BCAS1: variants seen among roughly 807,000 people sequenced by gnomAD.
BCAS1 encodes breast carcinoma-amplified sequence 1.
In BCAS1, 46 loss-of-function variants were observed where a neutral mutation model predicts 65.4. The ratio of observed to expected loss-of-function variants is 0.70; its 90% confidence interval spans 0.55 to 0.90. BCAS1 has a LOEUF of 0.90. BCAS1 is among the 40% of genes least tolerant of loss of function. The probability of loss-of-function intolerance (pLI) is 0.00; values close to 1 mark genes in which losing one functional copy is unlikely to be tolerated. For synonymous variants in BCAS1, 298 were observed against 293.5 expected (o/e 1.02, Z -0.16); for missense variants, 793 against 771.2 (o/e 1.03, Z -0.33).
At chr20:53,996,745 C>T (rs2090926220) in intron 4 of BCAS1, among the ~76,000 whole-genome samples, 1 of 152,112 alleles carries the variant, frequency 6.6e-6, no homozygotes, top group Non-Finnish European at 1.5e-5. Flanking sequence ...ACAATACATT[C>T]TTTACTCAAC....
chr20:53,975,292 A>G (rs2302040), intron 9 of BCAS1, 97 bp downstream of exon 9: 43,376 of 1,033,726 alleles, frequency 0.042, 3,920 homozygotes, highest in East Asian at 0.37. Context: ...CACTGGCAGC[A>G]TGCAAGAACA....
rs368207025 is a variant in BCAS1, at chr20:53,944,936, C to T, written c.1876G>A (p.Gly626Ser). 6 of 1,614,014 alleles carry T rather than the reference C, an allele frequency of 3.7e-6. No homozygotes were observed. The highest frequency in any genetic ancestry group is 1.7e-5 in the Admixed American group (1 of 60,014). ...QTDPVSIGPV[G>S]KSK ...TGCTGATTTGTTTACTTGGATTTGC[C>T]AACTGGTCCGATGGATACTGGGTCT... The change falls in exon 13 of 13, where the codon GGC becomes AGC. Residue 626 changes from glycine to serine, a missense_variant. Transcript: ENST00000688948.
chr20:54,059,136 T>G lies in BCAS1; in HGVS notation c.-5-413A>C, dbSNP rs79034205. On this transcript the variant is annotated intron_variant, in intron 1 of 12. Coordinates refer to ENST00000688948, the MANE Select transcript of BCAS1 (RefSeq NM_001366298.2). ...CCATGATCCAATTACCTCCACCTGG[T>G]CCCATCCTTGACGTGGGGATTATGA... Among the ~76,000 whole-genome samples the G allele has an allele frequency of 8.9e-3, 1,359 of 152,294 alleles. 8 individuals carry two copies. Among genetic ancestry groups the G allele is most frequent in the Admixed American group, 0.013 (204 of 15,296 alleles).
intron 1 of BCAS1, among the ~76,000 whole-genome samples, chr20:54,064,297 G>A (rs2146363630): frequency 1.3e-5 from 2 of 152,298 alleles, no homozygotes; most frequent in Admixed American, 6.5e-5. Context: ...GATATTTCTG[G>A]GGTGAGTGAG....
intron 12 of BCAS1, among the ~76,000 whole-genome samples, chr20:53,948,964 C>G (rs542907278): frequency 3.3e-5 from 5 of 152,166 alleles, no homozygotes; most frequent in African/African-American, 1.2e-4. Context: ...TCAGCCCACA[C>G]CAGTGTGGAC....
Position 54,058,121 on chromosome 20 carries a change from C to G in BCAS1, c.106G>C (p.Val36Leu), listed in dbSNP as rs200811465. 276 of 1,613,900 alleles carry G rather than the reference C, an allele frequency of 1.7e-4. No homozygotes were observed. The highest frequency in any genetic ancestry group is 1.4e-3 in the Admixed American group (84 of 59,988). ...TGCTGAACTGTGTGGGTCGACACCACCACTGGAACCCCGTTCAGAGCAGAC... is the reference window on the plus strand; with the variant it reads ...TGCTGAACTGTGTGGGTCGACACCAGCACTGGAACCCCGTTCAGAGCAGAC... The part of the protein sequence containing the change: ...NASALNGVPV[V>L]VSTHTVQHLE... The change falls in exon 3 of 13, where the codon GTG becomes CTG. Residue 36 changes from valine (V) to leucine (L), a missense_variant. Val to Leu is a conservative substitution (Grantham distance 32). Transcript: ENST00000688948.
At chr20:54,043,582 G>A (rs911915588) in intron 3 of BCAS1, among the ~76,000 whole-genome samples, 7 of 152,174 alleles carry the variant, frequency 4.6e-5, no homozygotes, top group African/African-American at 1.4e-4. Context: ...AAACAAGGAC[G>A]CTTTCCAGTT....
At position 53,953,434 on chromosome 20, in the gene BCAS1, G is replaced by A. The variant is rs1165650055; in HGVS notation, c.1813C>T (p.Leu605=). Reference sequence around the variant, plus strand: ...AGAGGCAAAAAAAATCCACCTACCAGGCCTTTAAAGAAGCCCCCAAGGGAC... The same window carrying A: ...AGAGGCAAAAAAAATCCACCTACCAAGCCTTTAAAGAAGCCCCCAAGGGAC... The part of the protein sequence containing the change: ...QQSLGGFFKG[L]GPKRMLDAQV... The change falls in exon 12 of 13, where the codon CTG becomes TTG. Residue 605 remains leucine (L), a splice_region_variant and synonymous_variant. Coordinates refer to ENST00000688948, the MANE Select transcript of BCAS1 (RefSeq NM_001366298.2). The A allele has an allele frequency of 2.3e-5, 37 of 1,613,752 alleles. 1 individual carries two copies. The highest frequency in any genetic ancestry group is 3.0e-5 in the Non-Finnish European group (35 of 1,179,996).
intron 9 of BCAS1, among the ~76,000 whole-genome samples, chr20:53,970,706 G>T (rs531694394): frequency 9.7e-4 from 148 of 152,064 alleles, no homozygotes; most frequent in Non-Finnish European, 1.8e-3. Flanking sequence ...TTCCCTTTTT[G>T]CCTCAAATTT....
intron 1 of BCAS1, among the ~76,000 whole-genome samples, chr20:54,060,329 T>C (rs1469155345): frequency 6.6e-6 from 1 of 152,248 alleles, no homozygotes; most frequent in Non-Finnish European, 1.5e-5. Context: ...TAATTTTTTT[T>C]TGAGACGGAG....
intron 6 of BCAS1, among the ~76,000 whole-genome samples, chr20:53,993,691 C>T (rs1001926594): frequency 7.9e-5 from 12 of 152,162 alleles, no homozygotes; most frequent in Non-Finnish European, 1.6e-4. Flanking sequence ...CTTCAAACAA[C>T]GCAAGACATA....
intron 4 of BCAS1, among the ~76,000 whole-genome samples, chr20:54,028,086 C>G (rs531562848): frequency 6.6e-6 from 1 of 152,282 alleles, no homozygotes; most frequent in East Asian, 1.9e-4. Flanking sequence ...ATCCACTGAT[C>G]GTAAACGCAA....
At chr20:53,953,348 T>C (rs1463488265) in intron 12 of BCAS1, 84 bp downstream of exon 12, 16 of 1,529,196 alleles carry the variant, frequency 1.0e-5, no homozygotes, top group Non-Finnish European at 1.2e-5. Flanking sequence ...AAGAGCCACA[T>C]GTAGAATTTG....
chr20:53,975,845 G>C (rs1400225820), intron 8 of BCAS1, among the ~76,000 whole-genome samples: 1 of 152,108 alleles, frequency 6.6e-6, no homozygotes, highest in Non-Finnish European at 1.5e-5. Flanking sequence ...GAAAATTCTG[G>C]TAATAAGTGC....
intron 4 of BCAS1, among the ~76,000 whole-genome samples, chr20:53,998,283 T>C (rs938870786): frequency 6.6e-6 from 1 of 152,174 alleles, no homozygotes; most frequent in African/African-American, 2.4e-5. Context: ...TATTGGGCCA[T>C]TTTTTGCGTT....
chr20:54,067,971 A>T (rs948692774), intron 1 of BCAS1, among the ~76,000 whole-genome samples: 1 of 152,224 alleles, frequency 6.6e-6, no homozygotes, highest in African/African-American at 2.4e-5. Flanking sequence ...GGAGGAAAGA[A>T]CAACCCCGCT....
intron 10 of BCAS1, among the ~76,000 whole-genome samples, chr20:53,960,394 C>T (rs58232286): frequency 6.9e-6 from 1 of 144,998 alleles, no homozygotes; most frequent in Non-Finnish European, 1.5e-5. Context: ...AGCAGCTGAT[C>T]TCAGCTGACA....
At chr20:53,962,344 A>C (rs1458855966) in intron 10 of BCAS1, among the ~76,000 whole-genome samples, 1 of 152,260 alleles carries the variant, frequency 6.6e-6, no homozygotes, top group Admixed American at 6.5e-5. Context: ...ATTAAAGCTC[A>C]CAGTATTTCT....
chr20:54,069,840 C>G (rs750524478), intron 1 of BCAS1, among the ~76,000 whole-genome samples: 6 of 152,136 alleles, frequency 3.9e-5, no homozygotes, highest in African/African-American at 9.7e-5. Flanking sequence ...GCAGCGCACC[C>G]GCATTCTAAT....
Sources: allele counts gnomAD v4.1 joint callset (sites outside exome capture counted in the v4.1 genomes callset), GRCh38; gene constraint gnomAD v4.1.1; transcripts MANE v1.5; gene names NCBI Gene and HGNC (gene_info 2026-07-23, HGNC 2026-07-21).